CASZ1: variants seen among roughly 807,000 people sequenced by gnomAD.
The protein encoded by CASZ1 is zinc finger protein castor homolog 1.
A neutral mutation model predicts 135.2 loss-of-function variants in CASZ1; 28 were observed. That is an observed-to-expected ratio of 0.21 (90% CI 0.15 to 0.28). The LOEUF (loss-of-function observed/expected upper bound fraction) is 0.28. Ranked by LOEUF, CASZ1 falls within the 10% of genes least tolerant of loss-of-function variation. The pLI, the probability that CASZ1 is intolerant of heterozygous loss-of-function variation, is 1.00. For synonymous variants in CASZ1, 1,068 were observed against 1,073.4 expected (o/e 0.99, Z 0.10); for missense variants, 2,161 against 2,453.3 (o/e 0.88, Z 2.52).
chr1:10,650,631 C>G, intron 13 of CASZ1, 61 bp downstream of exon 13: 4 of 1,401,184 alleles, frequency 2.9e-6, no homozygotes, highest in Middle Eastern at 1.8e-4. Context: ...CCCCCACCCC[C>G]CAGCACAGCT....
chr1:10,713,131 G>A (rs955745971), intron 2 of CASZ1, among the ~76,000 whole-genome samples: 3 of 152,214 alleles, frequency 2.0e-5, no homozygotes, highest in Non-Finnish European at 2.9e-5. Context: ...CTTCTTGACA[G>A]GGAGTCATTT....
intron 13 of CASZ1, chr1:10,650,390 A>G (rs373925957): frequency 5.4e-6 from 1 of 185,818 alleles, no homozygotes; most frequent in Non-Finnish European, 1.1e-5. Context: ...ATAAATAAAT[A>G]AAATTAATAA....
rs79313976 is a variant in CASZ1 at position 10,666,563 on chromosome 1, C to G, written c.17-992G>C. Among the ~76,000 whole-genome samples the G allele has an allele frequency of 6.6e-6, 1 of 152,170 alleles. No individual in the cohort carries two copies. The highest frequency in any genetic ancestry group is 2.4e-5 in the African/African-American group (1 of 41,446). On this transcript the variant is annotated intron_variant, in intron 4 of 20. Coordinates refer to ENST00000377022, the MANE Select transcript of CASZ1 (RefSeq NM_001079843.3). This position sits in a 1 kb window ranked among gnomAD's most constrained non-coding sequence, Gnocchi z 5.2. ...GGGATCGCTTAGGTCCCTCACGGAA[C>G]GCCCCGAAGCGCCGGTCACAGCACC...
At chr1:10,652,892 GA>G (rs1359041576) in intron 11 of CASZ1, 2 of 175,880 alleles carry the variant, frequency 1.1e-5, no homozygotes, top group Non-Finnish European at 2.4e-5. Flanking sequence ...ACTCATGGAG[GA>G]GGGAGCCTGG....
intron 4 of CASZ1, among the ~76,000 whole-genome samples, chr1:10,686,205 G>A (rs1570474062): frequency 6.6e-6 from 1 of 152,166 alleles, no homozygotes; most frequent in East Asian, 1.9e-4. Flanking sequence ...CCCTCTCAAG[G>A]TCACAGGGCC....
intron 2 of CASZ1, among the ~76,000 whole-genome samples, chr1:10,729,362 G>A (rs888044346): frequency 2.4e-4 from 36 of 152,304 alleles, no homozygotes; most frequent in Admixed American, 1.6e-3. Flanking sequence ...CGGGGCAGCC[G>A]GGCCCAGGTG....
At chr1:10,656,523 G>A (rs1642800307) in intron 8 of CASZ1, 123 bp downstream of exon 8, 2 of 719,850 alleles carry the variant, frequency 2.8e-6, no homozygotes, top group Admixed American at 2.1e-5. Context: ...ACCTGCTCAA[G>A]TCAAGTTTGG....
At chr1:10,768,977 C>A (rs1433335072) in intron 1 of CASZ1, among the ~76,000 whole-genome samples, 1 of 152,154 alleles carries the variant, frequency 6.6e-6, no homozygotes, top group Non-Finnish European at 1.5e-5. Context: ...CCCGTCTCTA[C>A]TAAAAATACA....
intron 4 of CASZ1, among the ~76,000 whole-genome samples, chr1:10,683,351 A>G (rs1638487170): frequency 6.6e-6 from 1 of 152,160 alleles, no homozygotes; most frequent in Non-Finnish European, 1.5e-5. Flanking sequence ...GGGCAAACTC[A>G]ATACAGCCCC....
rs989352040 is a variant in CASZ1 at position 10,700,022 on chromosome 1, A to AAGAGAGAGAGAGACAGAGAGAG, written c.-24+5448_-24+5469dup. 2.1e-5 allele frequency among the ~76,000 whole-genome samples: 3 copies of AAGAGAGAGAGAGACAGAGAGAG among 145,968 alleles called. No homozygotes were observed. The highest frequency in any genetic ancestry group is 7.7e-5 in the African/African-American group (3 of 39,022). ...AGAGAGAGAGAAACAGAGACAGAGA[A>AAGAGAGAGAGAGACAGAGAGAG]AGAGAGAGAGAGACAGAGAGAGAGA... is the stretch of plus-strand genomic sequence containing the variant. On this transcript the variant is annotated intron_variant, in intron 3 of 20. Coordinates refer to ENST00000377022, the MANE Select transcript of CASZ1 (RefSeq NM_001079843.3). The surrounding 1 kb of genome is among the most constrained non-coding windows in gnomAD (Gnocchi z 4.2).
intron 1 of CASZ1, among the ~76,000 whole-genome samples, chr1:10,787,213 T>A (rs897676568): frequency 6.6e-6 from 1 of 152,182 alleles, no homozygotes; most frequent in African/African-American, 2.4e-5. Flanking sequence ...ACACAGTGAT[T>A]TACTGCAGAG....
At chr1:10,641,840 C>A (rs538186694) in intron 20 of CASZ1, among the ~76,000 whole-genome samples, 1 of 152,208 alleles carries the variant, frequency 6.6e-6, no homozygotes, top group African/African-American at 2.4e-5. Context: ...TGAGCAGGAG[C>A]CACGAGGAGT....
At chr1:10,758,040 A>G (rs955888726) in intron 2 of CASZ1, among the ~76,000 whole-genome samples, 3 of 152,118 alleles carry the variant, frequency 2.0e-5, no homozygotes, top group African/African-American at 7.2e-5. Flanking sequence ...TTTCTAGAAT[A>G]TTCTCCAGCC....
At chr1:10,745,370 C>T (rs182596773) in intron 2 of CASZ1, among the ~76,000 whole-genome samples, 28 of 147,780 alleles carry the variant, frequency 1.9e-4, no homozygotes, top group South Asian at 1.7e-3. Context: ...TCCCCAACTG[C>T]GAGAGTAAGC....
chr1:10,676,485 G>A lies in CASZ1; in HGVS notation c.17-10914C>T, dbSNP rs528178177. Among the ~76,000 whole-genome samples the A allele has an allele frequency of 7.2e-5, 11 of 152,248 alleles. No individual in the cohort carries two copies. Among genetic ancestry groups the A allele is most frequent in the African/African-American group, 2.4e-4 (10 of 41,540 alleles). ...CCCACCAGGACAAAGAAGACACCAA[G>A]AGCCCCCGGGGAGGCCTCTCCACCA... On this transcript the variant is annotated intron_variant, in intron 4 of 20. Transcript: ENST00000377022. This position sits in a 1 kb window ranked among gnomAD's most constrained non-coding sequence, Gnocchi z 4.5.
rs1639923727 is a variant in CASZ1, at chr1:10,741,599, G to C, written c.-77+19102C>G. On this transcript the variant is annotated intron_variant, in intron 2 of 20. Transcript: ENST00000377022. This position sits in a 1 kb window ranked among gnomAD's most constrained non-coding sequence, Gnocchi z 5.0. ...TGCCAAACCCCTGGTTTTATTATCC[G>C]GGAGAAAAACAAACCCAACCACCGA... Among the ~76,000 whole-genome samples the C allele has an allele frequency of 6.6e-6, 1 of 151,878 alleles. No homozygotes were observed. Among genetic ancestry groups the C allele is most frequent in the African/African-American group, 2.4e-5 (1 of 41,330 alleles).
Position 10,651,227 on chromosome 1 carries a change from G to A in CASZ1, c.2681-151C>T, listed in dbSNP as rs965137453. 29 of 493,504 alleles carry A rather than the reference G, an allele frequency of 5.9e-5. No homozygotes were observed. The Admixed American group carries it at 1.0e-3, about 17-fold the overall frequency. The allele number at this position is 493,504 out of a possible 1,614,324, so 30.6% of individuals were successfully genotyped here. A position where few individuals can be genotyped will look rare whatever the true frequency, so the allele number is the denominator to read the frequency against. ...TCCCGCTGACGTGATCGCTCGCGAC[G>A]CTCGCTCCTGTGTGGCAATTCTTCA... On this transcript the variant is annotated intron_variant, in intron 11 of 20. Coordinates refer to ENST00000377022, the MANE Select transcript of CASZ1 (RefSeq NM_001079843.3).
chr1:10,784,537 C>A (rs1345611876), intron 1 of CASZ1, among the ~76,000 whole-genome samples: 1 of 152,160 alleles, frequency 6.6e-6, no homozygotes, highest in East Asian at 1.9e-4. Context: ...ATCTCCCTAC[C>A]TCCCAGCCCA....
chr1:10,792,356 G>C (rs1370113002), intron 1 of CASZ1, among the ~76,000 whole-genome samples: 1 of 19,720 alleles, frequency 5.1e-5, no homozygotes, highest in Non-Finnish European at 9.8e-5. Flanking sequence ...CGCACACAAA[G>C]TAAATGGAAA....
Sources: allele counts gnomAD v4.1 joint callset (sites outside exome capture counted in the v4.1 genomes callset), GRCh38; gene constraint gnomAD v4.1.1; non-coding constraint Gnocchi (gnomAD v3.1); transcripts MANE v1.5; gene names NCBI Gene and HGNC (gene_info 2026-07-23, HGNC 2026-07-21).